The following ZNF385D variants were observed in gnomAD, a reference collection of about 807,000 sequenced individuals.
ZNF385D encodes zinc finger protein 385D.
A neutral mutation model predicts 35.8 loss-of-function variants in ZNF385D; 15 were observed. That is an observed-to-expected ratio of 0.42 (90% CI 0.28 to 0.64). ZNF385D has a LOEUF of 0.64. ZNF385D is among the 30% of genes least tolerant of loss of function. The probability of loss-of-function intolerance (pLI) is 0.23; values close to 1 mark genes in which losing one functional copy is unlikely to be tolerated. For synonymous variants in ZNF385D, 212 were observed against 186.8 expected (o/e 1.13, Z -1.10); for missense variants, 474 against 494.6 (o/e 0.96, Z 0.39).
intron 3 of ZNF385D, among the ~76,000 whole-genome samples, chr3:21,974,712 G>C (rs1261450523): frequency 6.6e-6 from 1 of 151,830 alleles, no homozygotes; most frequent in African/African-American, 2.4e-5. Flanking sequence ...AAGGAGCTCA[G>C]ACAACTCAAT....
intron 3 of ZNF385D, among the ~76,000 whole-genome samples, chr3:21,781,957 T>C (rs1200033836): frequency 6.6e-6 from 1 of 152,066 alleles, no homozygotes; most frequent in African/African-American, 2.4e-5. Flanking sequence ...CTCAAGCTGA[T>C]AAAAATGGCC....
intron 1 of ZNF385D, among the ~76,000 whole-genome samples, chr3:21,741,320 A>C (rs1014981636): frequency 1.3e-5 from 2 of 152,188 alleles, no homozygotes; most frequent in African/African-American, 4.8e-5. Context: ...TTTTCTTTTA[A>C]AGGAAAAAAA....
At chr3:21,553,513 T>C (rs549408684) in intron 3 of ZNF385D, among the ~76,000 whole-genome samples, 3 of 152,302 alleles carry the variant, frequency 2.0e-5, no homozygotes, top group African/African-American at 7.2e-5. Flanking sequence ...TCAGTGTAGA[T>C]AGCTATTGGC....
intron 1 of ZNF385D, among the ~76,000 whole-genome samples, chr3:21,714,943 CT>C (rs1553642743): frequency 6.6e-6 from 1 of 152,144 alleles, no homozygotes; most frequent in Admixed American, 6.5e-5. Flanking sequence ...TAGTTACCCT[CT>C]GCCCGATGCC....
chr3:22,342,701 G>C (rs1451362544), intron 2 of ZNF385D, among the ~76,000 whole-genome samples: 4 of 152,172 alleles, frequency 2.6e-5, no homozygotes, highest in Admixed American at 1.3e-4. Flanking sequence ...ACTCTCCAGG[G>C]TGATTTTCCA....
intron 3 of ZNF385D, among the ~76,000 whole-genome samples, chr3:22,073,559 TA>T (rs1213417140): frequency 6.6e-6 from 1 of 151,938 alleles, no homozygotes; most frequent in Non-Finnish European, 1.5e-5. Context: ...TGGCAAGGAA[TA>T]AAAAAGCAAG....
chr3:22,155,280 CAT>C (rs776859843), intron 3 of ZNF385D, among the ~76,000 whole-genome samples: 6 of 152,016 alleles, frequency 3.9e-5, no homozygotes, highest in Admixed American at 1.3e-4. Flanking sequence ...CAGAATCAGT[CAT>C]ATGGGATGTG....
chr3:21,651,539 T>C (rs2065914526), intron 2 of ZNF385D, among the ~76,000 whole-genome samples: 1 of 151,968 alleles, frequency 6.6e-6, no homozygotes. Context: ...CTTTTTTTTT[T>C]TCTTTTTGGT....
chr3:21,928,492 A>T (rs1700855352), intron 3 of ZNF385D, among the ~76,000 whole-genome samples: 2 of 152,162 alleles, frequency 1.3e-5, no homozygotes, highest in South Asian at 4.1e-4. Context: ...AATGACATCT[A>T]TAGAACTCTC....
At chr3:21,814,745 C>T (rs970720717) in intron 3 of ZNF385D, among the ~76,000 whole-genome samples, 2 of 152,162 alleles carry the variant, frequency 1.3e-5, no homozygotes, top group African/African-American at 4.8e-5. Flanking sequence ...GAGACTTTAA[C>T]ACCCCACTGT....
intron 3 of ZNF385D, among the ~76,000 whole-genome samples, chr3:22,002,547 A>T (rs1576127371): frequency 6.6e-6 from 1 of 152,180 alleles, no homozygotes; most frequent in East Asian, 1.9e-4. Context: ...CCAAAAATTG[A>T]AGAGAAGGGA....
At chr3:22,136,070 G>C (rs565539843) in intron 3 of ZNF385D, among the ~76,000 whole-genome samples, 2 of 152,200 alleles carry the variant, frequency 1.3e-5, no homozygotes, top group East Asian at 1.9e-4. Context: ...AGGGATCTAA[G>C]ACATGACAAC....
chr3:21,798,673 G>C (rs1257948816), intron 3 of ZNF385D, among the ~76,000 whole-genome samples: 1 of 152,074 alleles, frequency 6.6e-6, no homozygotes, highest in Admixed American at 6.6e-5. Context: ...TCTAAGCAGG[G>C]ATGTGACAGC....
chr3:21,787,125 GA>G (rs35178796), intron 3 of ZNF385D, among the ~76,000 whole-genome samples: 1 of 152,086 alleles, frequency 6.6e-6, no homozygotes, highest in African/African-American at 2.4e-5. Context: ...GAGAATGGAG[GA>G]AAAAACACCT....
At chr3:22,205,567 T>C (rs1371626500) in intron 2 of ZNF385D, among the ~76,000 whole-genome samples, 5 of 151,902 alleles carry the variant, frequency 3.3e-5, no homozygotes, top group African/African-American at 9.7e-5. Context: ...TACAATAAGA[T>C]ATAAATAGAA....
chr3:21,544,572 A>G (rs543210945), intron 3 of ZNF385D, among the ~76,000 whole-genome samples: 89 of 152,332 alleles, frequency 5.8e-4, no homozygotes, highest in African/African-American at 2.1e-3. Flanking sequence ...TAATCTTGAA[A>G]AAGAGGTTCT....
chr3:22,329,225 A>C (rs1043025878), intron 2 of ZNF385D, among the ~76,000 whole-genome samples: 1 of 151,962 alleles, frequency 6.6e-6, no homozygotes, highest in Non-Finnish European at 1.5e-5. Context: ...TGATCTACAG[A>C]TGGTGAGGTG....
intron 2 of ZNF385D, among the ~76,000 whole-genome samples, chr3:22,289,014 T>A (rs998162647): frequency 2.0e-5 from 3 of 152,122 alleles, no homozygotes; most frequent in African/African-American, 4.8e-5. Flanking sequence ...TAGAAGCCAG[T>A]GTCTCTAGAT....
chr3:21,675,920 C>A (rs1405564264), intron 1 of ZNF385D, among the ~76,000 whole-genome samples: 2 of 152,020 alleles, frequency 1.3e-5, no homozygotes, highest in Admixed American at 6.6e-5. Flanking sequence ...TTGCATTCAA[C>A]GTAACTAATT....
Sources: allele counts gnomAD v4.1 joint callset (sites outside exome capture counted in the v4.1 genomes callset), GRCh38; gene constraint gnomAD v4.1.1; transcripts MANE v1.5; gene names NCBI Gene and HGNC (gene_info 2026-07-23, HGNC 2026-07-21).